SLC30A7: variants seen among roughly 807,000 people sequenced by gnomAD.
SLC30A7 encodes solute carrier family 30 member 7, also known as zinc transporter 7.
A neutral mutation model predicts 46.0 loss-of-function variants in SLC30A7; 35 were observed. That is an observed-to-expected ratio of 0.76 (90% confidence interval 0.58 to 1.01). The LOEUF is 1.01. Among genes scored for constraint, SLC30A7 ranks in the 50% least tolerant of loss-of-function variants. The pLI is 0.00. For missense variants in SLC30A7, 464 were observed against 451.1 expected (o/e 1.03, Z -0.26); for synonymous variants, 147 against 157.8 (o/e 0.93, Z 0.51).
At chr1:100,991,523 C>T in the SLC30A7 span, among the ~76,000 whole-genome samples, 3 of 152,274 alleles carry the variant, frequency 2.0e-5, no homozygotes, top group Admixed American at 1.3e-4. Flanking sequence ...TGCGGTGACT[C>T]GCACCTGTAA....
chr1:100,983,375 C>CAAAAAAAAAAAAAA (rs779529890), downstream of SLC30A7, among the ~76,000 whole-genome samples: 20 of 76,416 alleles, frequency 2.6e-4, no homozygotes, highest in East Asian at 4.0e-4. Context: ...TACTTTGAGG[C>CAAAAAAAAAAAAAA]AAAAAAAAAA....
intron 10 of SLC30A7, among the ~76,000 whole-genome samples, chr1:100,974,334 G>T (rs1656335107): frequency 6.6e-6 from 1 of 152,130 alleles, no homozygotes; most frequent in Non-Finnish European, 1.5e-5. Context: ...ATATTGGGGA[G>T]AATTTAGAGA....
chr1:100,992,571 G>A, the SLC30A7 span: 1 of 1,152,224 alleles, frequency 8.7e-7, no homozygotes, highest in East Asian at 2.4e-5. Context: ...GAGATATTAA[G>A]TCATATACAC....
At chr1:100,993,476 C>T in the SLC30A7 span, among the ~76,000 whole-genome samples, 940 of 148,658 alleles carry the variant, frequency 6.3e-3, 16 homozygotes, top group African/African-American at 0.022. Context: ...CAATTGAACC[C>T]GGGAGACGGA....
At chr1:100,927,265 C>G (rs1306791919) in intron 8 of SLC30A7, among the ~76,000 whole-genome samples, 1 of 151,656 alleles carries the variant, frequency 6.6e-6, no homozygotes, top group Non-Finnish European at 1.5e-5. Context: ...AGAACTGAGC[C>G]CTGGGGTTGG....
At chr1:100,905,433 T>G (rs938382459) in intron 2 of SLC30A7, among the ~76,000 whole-genome samples, 1 of 152,140 alleles carries the variant, frequency 6.6e-6, no homozygotes, top group African/African-American at 2.4e-5. Context: ...GTGATTTATT[T>G]TCTTTTATGA....
intron 3 of SLC30A7, among the ~76,000 whole-genome samples, chr1:100,909,422 A>G (rs1651933299): frequency 6.6e-6 from 1 of 152,160 alleles, no homozygotes; most frequent in African/African-American, 2.4e-5. Context: ...GTAGGTAGAT[A>G]GATACATACA....
intron 10 of SLC30A7, among the ~76,000 whole-genome samples, chr1:100,966,487 A>T (rs950512957): frequency 9.2e-5 from 14 of 151,730 alleles, no homozygotes; most frequent in Non-Finnish European, 1.8e-4. Flanking sequence ...TGGGAGGCTG[A>T]GGCAGGAGAA....
At chr1:100,907,343 G>A (rs1460051298) in intron 3 of SLC30A7, among the ~76,000 whole-genome samples, 1 of 151,904 alleles carries the variant, frequency 6.6e-6, no homozygotes, top group Non-Finnish European at 1.5e-5. Flanking sequence ...TTCTAATATG[G>A]TTTTATATTA....
Position 100,971,605 on chromosome 1 carries a change from A to C in SLC30A7, c.1084-3205A>C, listed in dbSNP as rs566920500. On this transcript the variant is annotated intron_variant, in intron 10 of 10. Transcript: ENST00000357650. ...AGCAGCTAGTATTTATTGAGAGCTCATCATGTGCCAAGTACTGTGATCAGT... is the reference window on the plus strand; with the variant it reads ...AGCAGCTAGTATTTATTGAGAGCTCCTCATGTGCCAAGTACTGTGATCAGT... Among the ~76,000 whole-genome samples, 7 of 152,296 alleles carry C rather than the reference A, an allele frequency of 4.6e-5. No homozygotes were observed. The East Asian group carries it at 9.6e-4, about 21-fold the overall frequency.
At position 100,908,664 on chromosome 1, in the gene SLC30A7, T is replaced by C. The variant is rs1483857184; in HGVS notation, c.296+1699T>C. Among the ~76,000 whole-genome samples, 3 of 152,284 alleles carry C rather than the reference T, an allele frequency of 2.0e-5. No homozygotes were observed. The East Asian group carries it at 5.8e-4, about 29-fold the overall frequency. ...TTTTTATGGCATGATATTGGTGATA[T>C]GCAAATAATTTAAACAGTAGCTACT... On this transcript the variant is annotated intron_variant, in intron 3 of 10. Coordinates refer to ENST00000357650, the MANE Select transcript of SLC30A7 (RefSeq NM_133496.5).
At position 100,906,527 on chromosome 1, in the gene SLC30A7, C is replaced by CT. The variant is rs199835657; in HGVS notation, c.183-316dup. Among the ~76,000 whole-genome samples the CT allele has an allele frequency of 5.6e-3, 844 of 151,572 alleles. 6 individuals carry two copies. The highest frequency in any genetic ancestry group is 0.019 in the African/African-American group (791 of 41,280). On this transcript the variant is annotated intron_variant, in intron 2 of 10. Coordinates refer to ENST00000357650, the MANE Select transcript of SLC30A7 (RefSeq NM_133496.5). The stretch of plus-strand genomic sequence containing the variant: ...TCAGCCTCGTCCCAGTAGTAGATGG[C>CT]TTTTTTTTTCCTACCTCTCTTTCAG...
chr1:100,922,516 CCT>C (rs1183754633), intron 8 of SLC30A7, among the ~76,000 whole-genome samples: 3 of 152,152 alleles, frequency 2.0e-5, no homozygotes, highest in Non-Finnish European at 4.4e-5. Flanking sequence ...ATCAAAGACT[CCT>C]CTGCTAGAAC....
At chr1:100,899,152 C>T (rs1361753312) in intron 2 of SLC30A7, among the ~76,000 whole-genome samples, 3 of 152,206 alleles carry the variant, frequency 2.0e-5, no homozygotes, top group African/African-American at 4.8e-5. Context: ...TGCTACCTTT[C>T]ACCTTCCCAC....
At chr1:100,929,647 A>G (rs892656770) in intron 8 of SLC30A7, among the ~76,000 whole-genome samples, 2 of 151,970 alleles carry the variant, frequency 1.3e-5, no homozygotes, top group Non-Finnish European at 2.9e-5. Context: ...ATATATGTCT[A>G]TCCCTTCTAG....
chr1:100,929,807 A>C (rs1305515872), intron 8 of SLC30A7, among the ~76,000 whole-genome samples: 3 of 152,070 alleles, frequency 2.0e-5, no homozygotes. Context: ...TTTGTTTTGC[A>C]ATGAAAAACA....
Position 100,941,783 on chromosome 1 carries a change from A to G in SLC30A7, c.842+19942A>G, listed in dbSNP as rs943901676. On this transcript the variant is annotated intron_variant, in intron 8 of 10. Transcript: ENST00000357650. ...TCCTCCACAGTGGCATACGTGACAA[A>G]CCCAAAGCCCCTGGAGTGGCATACG... The G allele has an allele frequency of 2.4e-5, 15 of 614,486 alleles. No homozygotes were observed. The Admixed American group carries it at 2.6e-4, about 11-fold the overall frequency. 38.1% of individuals were successfully genotyped at this position (614,486 alleles called of 1,614,324 possible).
rs894119466 is a variant in SLC30A7 at position 100,979,118 on chromosome 1, C to A, written c.*4261C>A. The A allele has an allele frequency of 3.3e-5, 5 of 152,026 alleles. No homozygotes were observed. The highest frequency in any genetic ancestry group is 1.2e-4 in the African/African-American group (5 of 41,406). 9.4% of individuals were successfully genotyped at this position (152,026 alleles called of 1,614,324 possible). On this transcript the variant is annotated 3_prime_UTR_variant, in exon 11 of 11. Transcript: ENST00000357650. ...GCATTAAATGTTGCATAAAGCAAAT[C>A]TTTTAAGTAAGGTAAAATGTTGAAG...
In SLC30A7 at chr1:100,906,846, T is replaced by C. The variant is rs746312414; in HGVS notation, c.183-6T>C. On this transcript the variant is annotated splice_region_variant and splice_polypyrimidine_tract_variant and intron_variant, in intron 2 of 10. Coordinates refer to ENST00000357650, the MANE Select transcript of SLC30A7 (RefSeq NM_133496.5). ...ATAATTTGTCAATGTGTTTGTTCTT[T>C]TCCAGCTTAGGCTTGATTTCCGACT... The C allele has an allele frequency of 2.5e-5, 40 of 1,602,766 alleles. 1 individual carries two copies. In the South Asian group the frequency reaches 4.2e-4, roughly 17 times the overall value.
Sources: gnomAD v4.1 joint callset for allele counts (sites outside exome capture counted in the v4.1 genomes callset) on GRCh38, gnomAD v4.1.1 for gene constraint, MANE v1.5 for transcripts, NCBI Gene and HGNC (gene_info 2026-07-23, HGNC 2026-07-21) for gene names.